Variants in LLGL2 observed in about 807,000 individuals in gnomAD.
LLGL2 encodes the protein LLGL scribble cell polarity complex component 2, also known as LLGL2, scribble cell polarity complex component.
LLGL2 carries 81 observed loss-of-function variants against 123.2 expected under a neutral mutation model. That is an observed-to-expected ratio of 0.66 (90% CI 0.55 to 0.79). The LOEUF (loss-of-function observed/expected upper bound fraction) is 0.79, where lower values mean the gene tolerates loss of function less well. Ranked by LOEUF, LLGL2 falls within the 30% of genes least tolerant of loss-of-function variation. The pLI is 0.00. For synonymous variants in LLGL2, 577 were observed against 594.1 expected (o/e 0.97, Z 0.42); for missense variants, 1,273 against 1,414.6 (o/e 0.90, Z 1.61).
Position 75,539,608 on chromosome 17 carries a change from C to CT in LLGL2, c.-30-3771dup, listed in dbSNP as rs540477851. On this transcript the variant is annotated intron_variant, in intron 1 of 25. Coordinates refer to ENST00000392550, the MANE Select transcript of LLGL2 (RefSeq NM_001031803.2). ...CAGAAATCATCCCATTTTCTGGTTACTTTTTTTTTTTTTTTTTTATACAGA... is the reference window on the plus strand; with the variant it reads ...CAGAAATCATCCCATTTTCTGGTTACTTTTTTTTTTTTTTTTTTTATACAGA... Among the ~76,000 whole-genome samples, 172 of 134,564 alleles carry CT rather than the reference C, an allele frequency of 1.3e-3. 1 individual carries two copies. The highest frequency in any genetic ancestry group is 1.9e-3 in the South Asian group (8 of 4,112). The allele number at this position is 134,564 out of a possible 152,430, so 88.3% of individuals were successfully genotyped here.
At chr17:75,533,798 T>C (rs563807184) in intron 1 of LLGL2, 1 of 152,346 alleles carries the variant, frequency 6.6e-6, no homozygotes, top group Admixed American at 6.5e-5. Flanking sequence ...AGAGCAACAA[T>C]TGGGAACCCG....
chr17:75,566,949 G>A (rs1306255492), intron 10 of LLGL2, among the ~76,000 whole-genome samples: 1 of 152,190 alleles, frequency 6.6e-6, no homozygotes, highest in East Asian at 1.9e-4. Context: ...TGTGAAGGCT[G>A]CTCAATGATT....
In LLGL2 at chr17:75,551,234, T is replaced by C. The variant is rs913904051; in HGVS notation, c.76-4812T>C. On this transcript the variant is annotated intron_variant, in intron 2 of 25. Transcript: ENST00000392550. ...TGCCCAAGGTGATACTATGGAACAATGCGAGCCTCGGAAGGAAGCAGAGGC... is the reference window on the plus strand; with the variant it reads ...TGCCCAAGGTGATACTATGGAACAACGCGAGCCTCGGAAGGAAGCAGAGGC... Among the ~76,000 whole-genome samples the C allele has an allele frequency of 5.9e-5, 9 of 152,234 alleles. No individual in the cohort carries two copies. The East Asian group carries it at 1.5e-3, about 26-fold the overall frequency.
rs572395853 is a variant in LLGL2, at chr17:75,574,672, G to A, written c.3055+4G>A. 9.3e-6 allele frequency: 15 copies of A among 1,610,636 alleles called. No individual in the cohort carries two copies. Among genetic ancestry groups the A allele is most frequent in the South Asian group, 8.8e-5 (8 of 90,978 alleles). ...TGCAGCCTCAGCAATGGCGGAGGTG[G>A]GGGCTCTGGGCTTGAGTGCAGCTGC... On this transcript the variant is annotated splice_donor_region_variant and intron_variant, in intron 25 of 25. Coordinates refer to ENST00000392550, the MANE Select transcript of LLGL2 (RefSeq NM_001031803.2).
Position 75,558,159 on chromosome 17 carries a change from G to A in LLGL2, c.178G>A (p.Gly60Arg), listed in dbSNP as rs1238352008. 1.2e-5 allele frequency: 20 copies of A among 1,613,642 alleles called. No individual in the cohort carries two copies. The highest frequency in any genetic ancestry group is 6.6e-5 in the South Asian group (6 of 91,082). Residue 60 changes from glycine to arginine, a missense_variant, in exon 4 of 26, where the codon GGA (glycine) becomes AGA (arginine). Gly to Arg is a moderately radical substitution (Grantham distance 125). Transcript: ENST00000392550. This position sits in a 1 kb window ranked among gnomAD's most constrained non-coding sequence, Gnocchi z 4.0. ...CTTTCCTGAGCCTACTCCTAGCTAC[G>A]GAGCCCCAGGCGTGGAGTTCATGGG... ...GTRSGAIKLY[G>R]APGVEFMGLH...
intron 1 of LLGL2, among the ~76,000 whole-genome samples, chr17:75,540,364 C>T (rs1449385448): frequency 6.6e-6 from 1 of 152,210 alleles, no homozygotes; most frequent in Non-Finnish European, 1.5e-5. Context: ...ATGCCTTGAC[C>T]TGGGCAGTGG....
At chr17:75,572,983 A>G (rs2055794534) in intron 19 of LLGL2, 31 bp from the exon 20 acceptor site, 1 of 1,577,274 alleles carries the variant, frequency 6.3e-7, no homozygotes, top group Admixed American at 1.7e-5. Flanking sequence ...TGGTTTGGCC[A>G]TGGGCATGAA....
intron 1 of LLGL2, among the ~76,000 whole-genome samples, chr17:75,537,272 G>T (rs937739010): frequency 1.3e-5 from 2 of 152,136 alleles, no homozygotes; most frequent in Non-Finnish European, 2.9e-5. Context: ...CATGAGCCTG[G>T]GAGGCTGTCC....
rs1338740487 is a variant in LLGL2 at position 75,556,074 on chromosome 17, C to T, written c.104C>T (p.Pro35Leu). The T allele has an allele frequency of 6.2e-7, 1 of 1,609,602 alleles. No homozygotes were observed. Among genetic ancestry groups the T allele is most frequent in the Non-Finnish European group, 8.5e-7 (1 of 1,179,972 alleles). Residue 35 changes from proline to leucine, a missense_variant, in exon 3 of 26, where the codon CCC becomes CTC. Physicochemically the swap from Pro to Leu is moderately conservative, Grantham distance 98. Coordinates refer to ENST00000392550, the MANE Select transcript of LLGL2 (RefSeq NM_001031803.2). ...GTGGAGCATGGCTTCCCGCACCAGC[C>T]CAGCGCCCTCGGCTACAGCCCGTCC... Reference protein sequence around the residue: ...KTVEHGFPHQPSALGYSPSLR... With the variant: ...KTVEHGFPHQLSALGYSPSLR...
At chr17:75,562,808 G>A (rs1393968413) in intron 6 of LLGL2, 1 of 603,838 alleles carries the variant, frequency 1.7e-6, no homozygotes, top group Non-Finnish European at 2.9e-6. Flanking sequence ...GACCTCAAGT[G>A]GCCTGCCCAC....
At position 75,558,620 on chromosome 17, in the gene LLGL2, C is replaced by T. The variant is rs201164163; in HGVS notation, c.364C>T (p.Pro122Ser). 332 of 1,601,096 alleles carry T rather than the reference C, an allele frequency of 2.1e-4. 1 individual carries two copies. Among genetic ancestry groups the T allele is most frequent in the Non-Finnish European group, 2.6e-4 (310 of 1,174,094 alleles). Residue 122 changes from proline to serine, a missense_variant, in exon 5 of 26, where the codon CCC (proline) becomes TCC (serine). Physicochemically the swap from Pro to Ser is moderately conservative, Grantham distance 74 (BLOSUM62 -1). Coordinates refer to ENST00000392550, the MANE Select transcript of LLGL2 (RefSeq NM_001031803.2). The surrounding 1 kb of genome is among the most constrained non-coding windows in gnomAD (Gnocchi z 4.0). ...QEDESFTLRG[P>S]PGAAPSATQI... ...GGATGAGAGCTTCACACTGCGTGGACCCCCAGGGTAAGGGCTCAATCCCCA... is the reference window on the plus strand; with the variant it reads ...GGATGAGAGCTTCACACTGCGTGGATCCCCAGGGTAAGGGCTCAATCCCCA...
At chr17:75,533,304 T>TC (rs2147107674) in intron 1 of LLGL2, among the ~76,000 whole-genome samples, 2 of 102,786 alleles carry the variant, frequency 1.9e-5, no homozygotes, top group African/African-American at 9.0e-5. Flanking sequence ...TGGCCCTTTT[T>TC]TTTTTTTTTT....
chr17:75,543,348 G>A lies in LLGL2; in HGVS notation c.-30-49G>A, dbSNP rs536311399. 243 of 1,364,756 alleles carry A rather than the reference G, an allele frequency of 1.8e-4. 2 individuals are homozygous for A. Among genetic ancestry groups the A allele is most frequent in the South Asian group, 1.8e-3 (132 of 74,220 alleles). The allele number at this position is 1,364,756 out of a possible 1,614,324, so 84.5% of individuals were successfully genotyped here. Reference sequence around the variant, plus strand: ...CCACCTGTTTGGGCCGGGCCTAATCGATACCTGAGTGCCAGGACAGACCCC... The same window carrying A: ...CCACCTGTTTGGGCCGGGCCTAATCAATACCTGAGTGCCAGGACAGACCCC... On this transcript the variant is annotated intron_variant, in intron 1 of 25. Coordinates refer to ENST00000392550, the MANE Select transcript of LLGL2 (RefSeq NM_001031803.2).
In LLGL2 at chr17:75,528,802, A is replaced by G. The variant is rs373194328; in HGVS notation, c.-31+2977A>G. Among the ~76,000 whole-genome samples the G allele has an allele frequency of 7.9e-5, 12 of 152,270 alleles. 1 individual carries two copies. The East Asian group carries it at 1.4e-3, about 17-fold the overall frequency. On this transcript the variant is annotated intron_variant, in intron 1 of 25. Coordinates refer to ENST00000392550, the MANE Select transcript of LLGL2 (RefSeq NM_001031803.2). ...GGTGATCGCTGTTCATTTAAAAAAT[A>G]GAAAAGGCAATAGGAGCCCATAGTG... is the stretch of plus-strand genomic sequence containing the variant.
intron 14 of LLGL2, 25 bp downstream of exon 14, chr17:75,569,350 G>C: frequency 6.3e-7 from 1 of 1,579,184 alleles, no homozygotes; most frequent in South Asian, 1.1e-5. Flanking sequence ...TGGGGAGGGG[G>C]AGCTGGGGAG....
chr17:75,564,232 T>C lies in LLGL2; in HGVS notation c.882-121T>C, dbSNP rs1411245046. On this transcript the variant is annotated intron_variant, in intron 9 of 25. Coordinates refer to ENST00000392550, the MANE Select transcript of LLGL2 (RefSeq NM_001031803.2). The surrounding 1 kb of genome is among the most constrained non-coding windows in gnomAD (Gnocchi z 4.9). ...CTGGGCTGTAGCAGTTGGAAGGAGA[T>C]GGGGTCCAGTCTCCCCTGCTCCTGG... is the stretch of plus-strand genomic sequence containing the variant. 2.0e-6 allele frequency: 3 copies of C among 1,488,564 alleles called. No homozygotes were observed. The highest frequency in any genetic ancestry group is 2.8e-5 in the African/African-American group (2 of 71,486). 92.2% of individuals were successfully genotyped at this position (1,488,564 alleles called of 1,614,324 possible). A position where few individuals can be genotyped will look rare whatever the true frequency, so the allele number is the denominator to read the frequency against.
chr17:75,538,157 CAG>C (rs1433932829), intron 1 of LLGL2, among the ~76,000 whole-genome samples: 5 of 152,146 alleles, frequency 3.3e-5, no homozygotes, highest in Non-Finnish European at 5.9e-5. Flanking sequence ...GTATTTCAGA[CAG>C]AGAATGGCAG....
At chr17:75,563,928 T>C in intron 9 of LLGL2, 122 bp downstream of exon 9, 4 of 972,168 alleles carry the variant, frequency 4.1e-6, no homozygotes, top group South Asian at 1.3e-5. Flanking sequence ...TGTTGGGGTC[T>C]TGGACACCAG....
At chr17:75,553,322 C>A (rs1382250162) in intron 2 of LLGL2, among the ~76,000 whole-genome samples, 2 of 152,172 alleles carry the variant, frequency 1.3e-5, no homozygotes, top group African/African-American at 2.4e-5. Flanking sequence ...TGAGGCACCC[C>A]CCGTCTCCCC....
Sources: gnomAD v4.1 joint callset for allele counts (sites outside exome capture counted in the v4.1 genomes callset) on GRCh38, gnomAD v4.1.1 for gene constraint, Gnocchi (gnomAD v3.1) non-coding constraint, MANE v1.5 for transcripts, NCBI Gene and HGNC (gene_info 2026-07-23, HGNC 2026-07-21) for gene names.